Variants in MAPK8 observed in about 807,000 individuals in gnomAD.
MAPK8 encodes the protein mitogen-activated protein kinase 8.
A neutral mutation model predicts 52.9 loss-of-function variants in MAPK8; 13 were observed. The observed-to-expected ratio is 0.25, with a 90% CI of 0.16 to 0.39. The LOEUF is 0.39. Among genes scored for constraint, MAPK8 ranks in the 10% least tolerant of loss-of-function variants. The pLI is 1.00. For missense variants in MAPK8, 300 were observed against 519.2 expected, an observed-to-expected ratio of 0.58 and a Z score of 4.10; for synonymous variants, 191 against 169.8, an observed-to-expected ratio of 1.12 and a Z score of -0.97.
Position 48,439,072 on chromosome 10 carries a change from G to A in MAPK8, c.*4043G>A, listed in dbSNP as rs1433002306. The A allele has an allele frequency of 6.6e-6, 1 of 152,008 alleles. No individual in the cohort carries two copies. Among genetic ancestry groups the A allele is most frequent in the East Asian group, 1.9e-4 (1 of 5,186 alleles). 9.4% of individuals were successfully genotyped at this position (152,008 alleles called of 1,614,324 possible). On this transcript the variant is annotated 3_prime_UTR_variant, in exon 12 of 12. Coordinates refer to ENST00000374189, the MANE Select transcript of MAPK8 (RefSeq NM_001323329.2). The stretch of plus-strand genomic sequence containing the variant: ...TACAGTTTATCCTGGTCAGCAGGGT[G>A]TCACACCTGGAAACCTGAGTATGAT...
At chr10:48,432,092 G>A (rs943744941) in intron 11 of MAPK8, among the ~76,000 whole-genome samples, 7 of 152,228 alleles carry the variant, frequency 4.6e-5, no homozygotes, top group Non-Finnish European at 8.8e-5. Context: ...GCTGGCAACA[G>A]AGACTTCTCT....
chr10:48,415,495 T>C lies in MAPK8; in HGVS notation c.451-4660T>C, dbSNP rs558206912. On this transcript the variant is annotated intron_variant, in intron 5 of 11. Coordinates refer to ENST00000374189, the MANE Select transcript of MAPK8 (RefSeq NM_001323329.2). ...TAATATGTTAATCGGATTAGTTCCTTAATTTAAAAAGGTCAGATTTTGGCA... is the reference window on the plus strand; with the variant it reads ...TAATATGTTAATCGGATTAGTTCCTCAATTTAAAAAGGTCAGATTTTGGCA... Among the ~76,000 whole-genome samples, 26 of 152,312 alleles carry C rather than the reference T, an allele frequency of 1.7e-4. No individual in the cohort carries two copies. The South Asian group carries it at 5.4e-3, about 32-fold the overall frequency.
chr10:48,340,746 T>C (rs992096936), intron 1 of MAPK8, among the ~76,000 whole-genome samples: 1 of 152,256 alleles, frequency 6.6e-6, no homozygotes, highest in Non-Finnish European at 1.5e-5. Flanking sequence ...GCTTTATGCA[T>C]GTGCAAATTA....
At position 48,439,183 on chromosome 10, in the gene MAPK8, T is replaced by C. The variant is rs2045101859; in HGVS notation, c.*4154T>C. ...GTGTTCCGTTCCCTCTCCTTTCCTC[T>C]AGACAAAACAAAATGGGGCACTTTT... On this transcript the variant is annotated 3_prime_UTR_variant, in exon 12 of 12. Transcript: ENST00000374189. The C allele has an allele frequency of 6.6e-6, 1 of 151,566 alleles. No individual in the cohort carries two copies. 9.4% of individuals were successfully genotyped at this position (151,566 alleles called of 1,614,324 possible).
At chr10:48,318,302 G>T (rs1344176020) in intron 1 of MAPK8, among the ~76,000 whole-genome samples, 4 of 152,176 alleles carry the variant, frequency 2.6e-5, no homozygotes, top group Non-Finnish European at 5.9e-5. Flanking sequence ...ACTGTTTGTA[G>T]ATATTAATCA....
chr10:48,325,255 C>G (rs1436946673), intron 1 of MAPK8, among the ~76,000 whole-genome samples: 1 of 152,190 alleles, frequency 6.6e-6, no homozygotes, highest in African/African-American at 2.4e-5. Context: ...CCTTCTTGAT[C>G]AATTAATATT....
At chr10:48,434,829 A>T (rs767005310) in intron 11 of MAPK8, 55 bp from the exon 12 acceptor site, 2 of 1,510,756 alleles carry the variant, frequency 1.3e-6, no homozygotes, top group South Asian at 2.6e-5. Context: ...CAGTGCAAGT[A>T]GCTTGATCTG....
intron 1 of MAPK8, among the ~76,000 whole-genome samples, chr10:48,343,418 C>A (rs970095747): frequency 1.3e-5 from 2 of 152,182 alleles, no homozygotes; most frequent in Admixed American, 6.5e-5. Context: ...ACAAGATAAT[C>A]CAGGACAATC....
At chr10:48,319,044 G>T (rs550614036) in intron 1 of MAPK8, among the ~76,000 whole-genome samples, 1 of 152,196 alleles carries the variant, frequency 6.6e-6, no homozygotes, top group Non-Finnish European at 1.5e-5. Flanking sequence ...GATTAGTCCT[G>T]ATACAGGAGA....
chr10:48,379,238 A>G (rs1299033010), intron 1 of MAPK8, among the ~76,000 whole-genome samples: 2 of 152,236 alleles, frequency 1.3e-5, no homozygotes, highest in African/African-American at 4.8e-5. Context: ...TCAGAAAGTG[A>G]CATTCTTTAC....
rs184379354 is a variant in MAPK8, at chr10:48,374,283, A to C, written c.-49-27329A>C. Among the ~76,000 whole-genome samples the C allele has an allele frequency of 2.6e-5, 4 of 152,312 alleles. No homozygotes were observed. The East Asian group carries it at 7.7e-4, about 29-fold the overall frequency. On this transcript the variant is annotated intron_variant, in intron 1 of 11. Coordinates refer to ENST00000374189, the MANE Select transcript of MAPK8 (RefSeq NM_001323329.2). ...ATTTATAGCACTAAATGCCCATAAG[A>C]GAAAGCAGGAAAGATCCAAAATCGA...
rs141989126 is a variant in MAPK8, at chr10:48,390,781, C to T, written c.-49-10831C>T. On this transcript the variant is annotated intron_variant, in intron 1 of 11. Coordinates refer to ENST00000374189, the MANE Select transcript of MAPK8 (RefSeq NM_001323329.2). ...GAAACACTGGTAAAGACACATGAAA[C>T]AATTTATTAAGTAATTTGTTACTTT... Among the ~76,000 whole-genome samples the T allele has an allele frequency of 7.9e-3, 1,201 of 152,234 alleles. 12 individuals carry two copies. The highest frequency in any genetic ancestry group is 0.028 in the African/African-American group (1,151 of 41,540).
chr10:48,397,775 C>T (rs1382380946), intron 1 of MAPK8, among the ~76,000 whole-genome samples: 1 of 151,838 alleles, frequency 6.6e-6, no homozygotes, highest in Non-Finnish European at 1.5e-5. Context: ...GTTTTTAGTA[C>T]AGACAGGGTT....
At chr10:48,314,078 C>G (rs984644990) in intron 1 of MAPK8, among the ~76,000 whole-genome samples, 1 of 152,158 alleles carries the variant, frequency 6.6e-6, no homozygotes, top group Non-Finnish European at 1.5e-5. Flanking sequence ...GTTTGGGCTG[C>G]TATATCAAAA....
intron 1 of MAPK8, among the ~76,000 whole-genome samples, chr10:48,328,470 G>C (rs1470808758): frequency 6.6e-6 from 1 of 152,022 alleles, no homozygotes; most frequent in Non-Finnish European, 1.5e-5. Flanking sequence ...GATCTGACCT[G>C]GTTGATCGTT....
Position 48,395,469 on chromosome 10 carries a change from T to A in MAPK8, c.-49-6143T>A, listed in dbSNP as rs1322216028. Among the ~76,000 whole-genome samples the A allele has an allele frequency of 2.6e-5, 4 of 151,972 alleles. No individual in the cohort carries two copies. In the East Asian group the frequency reaches 7.7e-4, roughly 29 times the overall value. On this transcript the variant is annotated intron_variant, in intron 1 of 11. Transcript: ENST00000374189. ...GGACATCTGAATGCAAAACAATGAA[T>A]CTTAACCTTTAAGTGGGCAATGATT...
chr10:48,318,662 C>T (rs1019230967), intron 1 of MAPK8, among the ~76,000 whole-genome samples: 8 of 152,118 alleles, frequency 5.3e-5, no homozygotes, highest in South Asian at 2.1e-4. Flanking sequence ...AAATCCTGAA[C>T]GTGAGGAGGC....
At chr10:48,372,043 A>G (rs765278911) in intron 1 of MAPK8, among the ~76,000 whole-genome samples, 5 of 152,218 alleles carry the variant, frequency 3.3e-5, no homozygotes, top group African/African-American at 4.8e-5. Context: ...GTTATCCAGA[A>G]GCCCACAAAA....
intron 10 of MAPK8, 86 bp downstream of exon 10, chr10:48,427,229 G>A (rs913910499): frequency 9.9e-7 from 1 of 1,008,010 alleles, no homozygotes; most frequent in Admixed American, 2.0e-5. Flanking sequence ...AGAGAAATTT[G>A]TGACTTTAAT....
Sources: gnomAD v4.1 joint callset for allele counts (sites outside exome capture counted in the v4.1 genomes callset) on GRCh38, gnomAD v4.1.1 for gene constraint, MANE v1.5 for transcripts, NCBI Gene and HGNC (gene_info 2026-07-23, HGNC 2026-07-21) for gene names.